RBFOX1: variants seen among roughly 807,000 people sequenced by gnomAD.
The protein encoded by RBFOX1 is RNA binding protein fox-1 homolog 1.
In RBFOX1, 8 loss-of-function variants were observed where a neutral mutation model predicts 57.7. The observed-to-expected ratio is 0.14, with a 90% CI of 0.08 to 0.25. RBFOX1 has a LOEUF of 0.25. Ranked by LOEUF, RBFOX1 falls within the 10% of genes least tolerant of loss-of-function variation. The pLI, the probability that RBFOX1 is intolerant of heterozygous loss-of-function variation, is 1.00. For synonymous variants in RBFOX1, 326 were observed against 222.4 expected (o/e 1.47, Z -4.15); for missense variants, 611 against 548.5 (o/e 1.11, Z -1.14).
At chr16:5,767,813 C>A (rs2053840070) in intron 3 of RBFOX1, among the ~76,000 whole-genome samples, 1 of 152,158 alleles carries the variant, frequency 6.6e-6, no homozygotes, top group Admixed American at 6.5e-5. Context: ...ATGAGGGGCT[C>A]TCGACTTTGG....
chr16:7,173,168 A>G (rs1304645093), intron 4 of RBFOX1, among the ~76,000 whole-genome samples: 1 of 152,204 alleles, frequency 6.6e-6, no homozygotes, highest in Non-Finnish European at 1.5e-5. Flanking sequence ...TATAACAAAA[A>G]TCATACAACT....
intron 1 of RBFOX1, among the ~76,000 whole-genome samples, chr16:5,355,250 A>G (rs1429916863): frequency 6.6e-6 from 1 of 152,196 alleles, no homozygotes; most frequent in Admixed American, 6.5e-5. Context: ...GAAATGGCAG[A>G]TGGCACACTT....
chr16:6,051,614 G>C (rs1181020282), intron 1 of RBFOX1, among the ~76,000 whole-genome samples: 1 of 151,816 alleles, frequency 6.6e-6, no homozygotes, highest in Non-Finnish European at 1.5e-5. Context: ...AGACTGCTGG[G>C]GTGCAATGGC....
chr16:6,234,009 G>T (rs2097486090), intron 1 of RBFOX1, among the ~76,000 whole-genome samples: 1 of 152,194 alleles, frequency 6.6e-6, no homozygotes, highest in Non-Finnish European at 1.5e-5. Context: ...GGTGAGAGCT[G>T]CATCCTCTGG....
At chr16:5,637,880 A>G (rs1221526089) in intron 3 of RBFOX1, among the ~76,000 whole-genome samples, 1 of 151,982 alleles carries the variant, frequency 6.6e-6, no homozygotes, top group Non-Finnish European at 1.5e-5. Flanking sequence ...GAAATCTGCT[A>G]CTCCCTGGAG....
chr16:6,504,792 A>G (rs1412972118), intron 2 of RBFOX1, among the ~76,000 whole-genome samples: 1 of 152,176 alleles, frequency 6.6e-6, no homozygotes, highest in Non-Finnish European at 1.5e-5. Context: ...GCAGTGGCTC[A>G]CGCCTGTAAT....
At chr16:5,621,766 A>G (rs2048207829) in intron 3 of RBFOX1, among the ~76,000 whole-genome samples, 1 of 152,184 alleles carries the variant, frequency 6.6e-6, no homozygotes, top group Non-Finnish European at 1.5e-5. Context: ...TTAACTCCAA[A>G]AGGGCAGTGA....
intron 2 of RBFOX1, among the ~76,000 whole-genome samples, chr16:6,547,358 C>T (rs771423909): frequency 1.3e-5 from 2 of 152,110 alleles, no homozygotes; most frequent in Non-Finnish European, 2.9e-5. Context: ...ATGATTTTTG[C>T]TCTCCTTCCT....
intron 14 of RBFOX1, among the ~76,000 whole-genome samples, chr16:7,681,969 G>T (rs1287388610): frequency 6.6e-6 from 1 of 152,100 alleles, no homozygotes; most frequent in African/African-American, 2.4e-5. Context: ...ATTGAAAGCA[G>T]TATCTCCCAA....
intron 1 of RBFOX1, among the ~76,000 whole-genome samples, chr16:6,210,329 C>CAA (rs1323182069): frequency 3.1e-4 from 5 of 16,388 alleles, no homozygotes; most frequent in African/African-American, 4.5e-4. Context: ...AAAAAAAAAA[C>CAA]AAAAAAACAA....
intron 4 of RBFOX1, among the ~76,000 whole-genome samples, chr16:7,182,218 T>C (rs1359161017): frequency 1.3e-5 from 2 of 152,156 alleles, no homozygotes; most frequent in African/African-American, 4.8e-5. Context: ...ATAAGCTACA[T>C]GAAGTTGTTA....
intron 3 of RBFOX1, among the ~76,000 whole-genome samples, chr16:6,955,077 A>AC (rs1021323744): frequency 1.4e-4 from 18 of 125,886 alleles, no homozygotes; most frequent in South Asian, 5.5e-4. Flanking sequence ...CAAAAAAAAA[A>AC]AAACACACAA....
intron 4 of RBFOX1, among the ~76,000 whole-genome samples, chr16:7,054,685 G>C (rs1316582635): frequency 6.6e-6 from 1 of 152,092 alleles, no homozygotes; most frequent in African/African-American, 2.4e-5. Flanking sequence ...AATCTGTTTA[G>C]TTACCACATC....
intron 3 of RBFOX1, among the ~76,000 whole-genome samples, chr16:7,014,425 A>T (rs1462890366): frequency 6.7e-6 from 1 of 149,162 alleles, no homozygotes; most frequent in Admixed American, 6.7e-5. Context: ...ATTTTTTTTT[A>T]AAGTAGGGGT....
intron 3 of RBFOX1, among the ~76,000 whole-genome samples, chr16:5,664,951 T>TG (rs201588442): frequency 0.019 from 2,843 of 150,932 alleles, 85 homozygotes; most frequent in African/African-American, 0.067. Context: ...CTCTGCTCTT[T>TG]TTTTTTTTAT....
chr16:7,178,012 C>A (rs1312647231), intron 4 of RBFOX1, among the ~76,000 whole-genome samples: 1 of 152,184 alleles, frequency 6.6e-6, no homozygotes, highest in Non-Finnish European at 1.5e-5. Context: ...GATTCAGAAT[C>A]TCTGAGAGTA....
intron 2 of RBFOX1, among the ~76,000 whole-genome samples, chr16:6,636,245 A>T (rs1045632696): frequency 3.3e-5 from 5 of 152,122 alleles, no homozygotes; most frequent in Admixed American, 6.6e-5. Context: ...ATCTCGGCTC[A>T]CTGCAAGCTC....
At chr16:6,721,216 G>A (rs979351194) in intron 3 of RBFOX1, among the ~76,000 whole-genome samples, 9 of 152,224 alleles carry the variant, frequency 5.9e-5, no homozygotes, top group African/African-American at 1.9e-4. Context: ...GCCAAGGCAG[G>A]TGGATCACCT....
At chr16:7,069,413 G>T (rs2153772861) in intron 4 of RBFOX1, among the ~76,000 whole-genome samples, 1 of 152,168 alleles carries the variant, frequency 6.6e-6, no homozygotes, top group East Asian at 1.9e-4. Flanking sequence ...TGTGTTCGTT[G>T]TTCAGCTCCT....
Sources: gnomAD v4.1 joint callset for allele counts (sites outside exome capture counted in the v4.1 genomes callset) on GRCh38, gnomAD v4.1.1 for gene constraint, MANE v1.5 for transcripts, NCBI Gene and HGNC (gene_info 2026-07-23, HGNC 2026-07-21) for gene names.